Variants in FAM193A observed in about 807,000 individuals in gnomAD.
The protein encoded by FAM193A is protein FAM193A.
In FAM193A, 22 loss-of-function variants were observed where a neutral mutation model predicts 126.5. The observed-to-expected ratio is 0.17, with a 90% CI of 0.12 to 0.25. FAM193A has a LOEUF of 0.25. Ranked by LOEUF, FAM193A falls within the 10% of genes least tolerant of loss-of-function variation. The probability of loss-of-function intolerance (pLI) is 1.00; values close to 1 mark genes in which losing one functional copy is unlikely to be tolerated. For synonymous variants in FAM193A, 761 were observed against 646.8 expected (o/e 1.18, Z -2.68); for missense variants, 1,675 against 1,672.8 (o/e 1.00, Z -0.02).
At chr4:2,536,437 C>T (rs1001340637), upstream of FAM193A, among the ~76,000 whole-genome samples, 2 of 151,950 alleles carry the variant, frequency 1.3e-5, no homozygotes, top group Non-Finnish European at 2.9e-5. Flanking sequence ...TGGTCCACCC[C>T]CGGGTACCCC....
At chr4:2,699,443 C>CT (rs902240155) in intron 18 of FAM193A, among the ~76,000 whole-genome samples, 2 of 86,102 alleles carry the variant, frequency 2.3e-5, no homozygotes, top group African/African-American at 4.1e-5. Flanking sequence ...ACCACCCCCC[C>CT]CCCCACACAC....
At position 2,696,369 on chromosome 4, in the gene FAM193A, G is replaced by A; in HGVS notation, c.3283G>A (p.Ala1095Thr). 1 of 1,610,906 alleles carries A rather than the reference G, an allele frequency of 6.2e-7. No homozygotes were observed. The highest frequency in any genetic ancestry group is 1.3e-5 in the African/African-American group (1 of 74,876). The change falls in exon 18 of 21, where the codon GCT (alanine) becomes ACT (threonine). Residue 1095 changes from alanine (A) to threonine (T), a missense_variant. Coordinates refer to ENST00000637812, the MANE Select transcript of FAM193A (RefSeq NM_001366318.2). ...ACTTTGTTGTTTTTCTCAGCCTCCA[G>A]CTGCACCAACAAGTAGAAATTATGC... is the stretch of plus-strand genomic sequence containing the variant. ...CEFFGHGGPP[A>T]APTSRNYAEM...
chr4:2,564,785 A>G (rs1361912979), intron 1 of FAM193A, among the ~76,000 whole-genome samples: 1 of 152,016 alleles, frequency 6.6e-6, no homozygotes, highest in African/African-American at 2.4e-5. Flanking sequence ...GGATGATGGA[A>G]ACACTTGTGG....
At chr4:2,559,157 T>C (rs1379337349) in intron 1 of FAM193A, among the ~76,000 whole-genome samples, 4 of 152,234 alleles carry the variant, frequency 2.6e-5, no homozygotes. Flanking sequence ...TGTTTGTACA[T>C]TTACAGATGT....
intron 12 of FAM193A, among the ~76,000 whole-genome samples, chr4:2,664,816 G>T (rs893027567): frequency 6.6e-6 from 1 of 151,996 alleles, no homozygotes; most frequent in Non-Finnish European, 1.5e-5. Context: ...GCCCGTGTTG[G>T]CCTCCCAAAG....
At chr4:2,730,871 T>A (rs1721299853) in intron 20 of FAM193A, among the ~76,000 whole-genome samples, 1 of 151,146 alleles carries the variant, frequency 6.6e-6, no homozygotes, top group Non-Finnish European at 1.5e-5. Flanking sequence ...CCAGCCTGGG[T>A]GACAGAGACT....
At chr4:2,588,512 A>G (rs1223614768) in intron 1 of FAM193A, among the ~76,000 whole-genome samples, 1 of 152,088 alleles carries the variant, frequency 6.6e-6, no homozygotes, top group Non-Finnish European at 1.5e-5. Flanking sequence ...AGGGGAGCAC[A>G]GGTGATGGTG....
intron 13 of FAM193A, among the ~76,000 whole-genome samples, chr4:2,677,929 C>T (rs1285903314): frequency 2.0e-5 from 3 of 152,084 alleles, no homozygotes; most frequent in Non-Finnish European, 4.4e-5. Context: ...TTCTAATCAA[C>T]AAATATGGTA....
intron 1 of FAM193A, among the ~76,000 whole-genome samples, chr4:2,560,087 G>T (rs1187590673): frequency 1.3e-5 from 2 of 151,922 alleles, no homozygotes; most frequent in African/African-American, 4.8e-5. Context: ...GATTACAGGT[G>T]CCTGCCACCA....
intron 2 of FAM193A, among the ~76,000 whole-genome samples, chr4:2,616,438 T>G (rs1484906299): frequency 6.6e-6 from 1 of 152,112 alleles, no homozygotes; most frequent in Non-Finnish European, 1.5e-5. Flanking sequence ...TGCTAATAAT[T>G]GTAGTATTTA....
chr4:2,662,735 G>A, intron 10 of FAM193A, 103 bp from the exon 11 acceptor site: 1 of 807,392 alleles, frequency 1.2e-6, no homozygotes. Flanking sequence ...CTTTGTAAAT[G>A]AAAGCCGTGA....
intron 2 of FAM193A, among the ~76,000 whole-genome samples, chr4:2,604,517 C>T (rs563329154): frequency 5.9e-5 from 9 of 152,106 alleles, no homozygotes; most frequent in Non-Finnish European, 1.2e-4. Context: ...GGGTAGAATA[C>T]AGGTTGAAAT....
intron 1 of FAM193A, among the ~76,000 whole-genome samples, chr4:2,593,355 CCTT>C (rs999143669): frequency 1.3e-5 from 2 of 152,164 alleles, no homozygotes; most frequent in South Asian, 2.1e-4. Flanking sequence ...CCCCATCTCT[CCTT>C]CTGCTCTTGT....
intron 20 of FAM193A, among the ~76,000 whole-genome samples, chr4:2,723,761 G>A (rs1278860588): frequency 1.3e-5 from 2 of 152,092 alleles, no homozygotes; most frequent in East Asian, 1.9e-4. Flanking sequence ...TGTTTTGATA[G>A]GAGACTCTGG....
At chr4:2,664,754 G>A (rs1393880736) in intron 12 of FAM193A, among the ~76,000 whole-genome samples, 2 of 151,610 alleles carry the variant, frequency 1.3e-5, no homozygotes, top group African/African-American at 2.4e-5. Context: ...TAGTAGAGAC[G>A]GGGTTTCACT....
At chr4:2,660,952 G>A (rs1248717654) in intron 10 of FAM193A, among the ~76,000 whole-genome samples, 1 of 152,118 alleles carries the variant, frequency 6.6e-6, no homozygotes, top group Non-Finnish European at 1.5e-5. Flanking sequence ...TACTCTCCAG[G>A]GCACAAGAAA....
chr4:2,664,653 C>G (rs66554160), intron 12 of FAM193A, among the ~76,000 whole-genome samples: 125,361 of 149,352 alleles, frequency 0.84, 53,107 homozygotes, highest in African/African-American at 0.96. Context: ...TGCAACCTCT[C>G]CCTTTCGGGT....
intron 2 of FAM193A, among the ~76,000 whole-genome samples, chr4:2,607,510 C>T (rs1427486166): frequency 2.6e-5 from 4 of 152,154 alleles, no homozygotes; most frequent in African/African-American, 9.7e-5. Flanking sequence ...AGTAGTTAAC[C>T]ACAGATTTCT....
intron 4 of FAM193A, among the ~76,000 whole-genome samples, chr4:2,630,046 T>G (rs968705091): frequency 4.0e-5 from 6 of 151,068 alleles, no homozygotes; most frequent in South Asian, 2.1e-4. Flanking sequence ...GCAGGAGAAC[T>G]GTGTGAACCC....
Sources: gnomAD v4.1 joint callset for allele counts (sites outside exome capture counted in the v4.1 genomes callset) on GRCh38, gnomAD v4.1.1 for gene constraint, MANE v1.5 for transcripts, NCBI Gene and HGNC (gene_info 2026-07-23, HGNC 2026-07-21) for gene names.